TXNDC16: variants seen among roughly 807,000 people sequenced by gnomAD.
TXNDC16 encodes the protein thioredoxin domain-containing protein 16.
Under a neutral mutation model 85.6 loss-of-function variants are expected in TXNDC16, and 74 were observed. That is an observed-to-expected ratio of 0.86 (90% CI 0.72 to 1.05). The LOEUF (loss-of-function observed/expected upper bound fraction) is 1.05, where lower values mean the gene tolerates loss of function less well. Ranked by LOEUF, TXNDC16 falls within the 50% of genes least tolerant of loss-of-function variation. The pLI is 0.00. For synonymous variants in TXNDC16, 335 were observed against 326.5 expected (o/e 1.03, Z -0.28); for missense variants, 959 against 947.0 (o/e 1.01, Z -0.17).
At chr14:52,529,293 C>G (rs1205610294) in intron 6 of TXNDC16, among the ~76,000 whole-genome samples, 1 of 141,234 alleles carries the variant, frequency 7.1e-6, no homozygotes, top group East Asian at 2.0e-4. Flanking sequence ...CATATGGACA[C>G]AGGAAGGGGA....
At chr14:52,503,794 T>C (rs1173251540) in intron 9 of TXNDC16, among the ~76,000 whole-genome samples, 1 of 152,162 alleles carries the variant, frequency 6.6e-6, no homozygotes, top group Non-Finnish European at 1.5e-5. Context: ...AGAAGGAAGT[T>C]CGAAGCCATG....
At chr14:52,515,944 T>G (rs57787720) in intron 7 of TXNDC16, among the ~76,000 whole-genome samples, 14,639 of 152,102 alleles carry the variant, frequency 0.096, 807 homozygotes, top group East Asian at 0.17. Flanking sequence ...TTTCCCTTTT[T>G]GAGAAACTTC....
chr14:52,486,177 A>G (rs573970804), intron 12 of TXNDC16, among the ~76,000 whole-genome samples: 2 of 150,070 alleles, frequency 1.3e-5, no homozygotes, highest in African/African-American at 4.9e-5. Context: ...CTCTTTTCTT[A>G]TATTCTAAAT....
In TXNDC16 at chr14:52,511,986, A is replaced by C. The variant is rs115496073; in HGVS notation, c.606-596T>G. Among the ~76,000 whole-genome samples the C allele has an allele frequency of 1.8e-3, 271 of 152,276 alleles. 1 individual carries two copies. Among genetic ancestry groups the C allele is most frequent in the African/African-American group, 6.2e-3 (257 of 41,570 alleles). ...TCAAAGATAAACTTATAGTGGAGAT[A>C]AGGTTTGCCAAAATTAAAATAGCAT... On this transcript the variant is annotated intron_variant, in intron 8 of 20. Coordinates refer to ENST00000281741, the MANE Select transcript of TXNDC16 (RefSeq NM_020784.3).
chr14:52,467,636 T>C (rs1163149930), intron 16 of TXNDC16, among the ~76,000 whole-genome samples: 2 of 152,220 alleles, frequency 1.3e-5, no homozygotes, highest in Non-Finnish European at 2.9e-5. Context: ...GGAACCCCTG[T>C]ACACTGTTGG....
At chr14:52,434,602 A>T (rs556640012) in intron 20 of TXNDC16, among the ~76,000 whole-genome samples, 4 of 152,340 alleles carry the variant, frequency 2.6e-5, no homozygotes, top group African/African-American at 9.6e-5. Context: ...AGTTTCACAG[A>T]AATTAAGATA....
At chr14:52,489,796 T>A (rs529551089) in intron 11 of TXNDC16, among the ~76,000 whole-genome samples, 1 of 152,286 alleles carries the variant, frequency 6.6e-6, no homozygotes, top group South Asian at 2.1e-4. Context: ...AAGTAATCAC[T>A]ATTCTGTCTT....
chr14:52,496,472 C>A (rs2036536573), intron 9 of TXNDC16, among the ~76,000 whole-genome samples: 1 of 150,348 alleles, frequency 6.7e-6, no homozygotes, highest in African/African-American at 2.5e-5. Flanking sequence ...GATTTCTTAG[C>A]CTTTTCCTGC....
chr14:52,507,163 C>A (rs2036830262), intron 9 of TXNDC16, among the ~76,000 whole-genome samples: 1 of 152,014 alleles, frequency 6.6e-6, no homozygotes, highest in Admixed American at 6.6e-5. Flanking sequence ...ATCTAGAAAA[C>A]CCCATTGTCT....
chr14:52,431,221 C>T lies in TXNDC16; in HGVS notation c.*1083G>A, dbSNP rs574880730. The stretch of plus-strand genomic sequence containing the variant: ...GGCTCAGGGAGATCAACTGATTTGT[C>T]TGAAGCTTGCAAGGGTAGATTTCAG... On this transcript the variant is annotated 3_prime_UTR_variant, in exon 21 of 21. Transcript: ENST00000281741. 6.6e-6 allele frequency: 1 copy of T among 152,342 alleles called. No individual in the cohort carries two copies. The highest frequency in any genetic ancestry group is 1.9e-4 in the East Asian group (1 of 5,190). The allele number at this position is 152,342 out of a possible 1,614,324, so 9.4% of individuals were successfully genotyped here. A position where few individuals can be genotyped will look rare whatever the true frequency, so the allele number is the denominator to read the frequency against.
intron 20 of TXNDC16, among the ~76,000 whole-genome samples, chr14:52,436,512 T>A (rs2035031184): frequency 6.6e-6 from 1 of 152,162 alleles, no homozygotes; most frequent in Non-Finnish European, 1.5e-5. Flanking sequence ...AGTTGCATGA[T>A]CTTGAGAATG....
intron 9 of TXNDC16, among the ~76,000 whole-genome samples, chr14:52,505,653 G>A (rs2036779696): frequency 6.6e-6 from 1 of 152,144 alleles, no homozygotes; most frequent in African/African-American, 2.4e-5. Context: ...ACAATTAAAA[G>A]AACTACAGAA....
chr14:52,472,639 AT>A (rs1325433635), intron 14 of TXNDC16, among the ~76,000 whole-genome samples: 2 of 152,190 alleles, frequency 1.3e-5, no homozygotes, highest in Non-Finnish European at 2.9e-5. Flanking sequence ...TAATACTTGA[AT>A]TTTGTATGAG....
chr14:52,525,256 T>A (rs1279003011), intron 6 of TXNDC16, among the ~76,000 whole-genome samples: 1 of 152,036 alleles, frequency 6.6e-6, no homozygotes, highest in Non-Finnish European at 1.5e-5. Flanking sequence ...ATAAAATAAA[T>A]AACATTTTAG....
intron 7 of TXNDC16, among the ~76,000 whole-genome samples, chr14:52,516,771 A>G (rs547950925): frequency 1.3e-5 from 2 of 152,140 alleles, no homozygotes; most frequent in South Asian, 2.1e-4. Context: ...CTTGAACTGC[A>G]TATCATCAGA....
intron 16 of TXNDC16, among the ~76,000 whole-genome samples, chr14:52,460,449 A>G (rs1374986495): frequency 6.6e-6 from 1 of 152,224 alleles, no homozygotes; most frequent in East Asian, 1.9e-4. Context: ...ATGAAAGTCA[A>G]AGAAGGTTGA....
At chr14:52,443,953 A>G (rs1264164608) in intron 18 of TXNDC16, among the ~76,000 whole-genome samples, 1 of 152,168 alleles carries the variant, frequency 6.6e-6, no homozygotes, top group African/African-American at 2.4e-5. Flanking sequence ...AGTTATGGGT[A>G]TGGATAAAAT....
intron 1 of TXNDC16, among the ~76,000 whole-genome samples, chr14:52,549,169 G>A (rs755458945): frequency 1.3e-5 from 2 of 152,172 alleles, no homozygotes; most frequent in Non-Finnish European, 2.9e-5. Context: ...GGCTGCGAGA[G>A]GCCCTCAATT....
chr14:52,440,960 ATTAAT>A (rs2035150651), intron 18 of TXNDC16, among the ~76,000 whole-genome samples: 1 of 152,202 alleles, frequency 6.6e-6, no homozygotes, highest in Non-Finnish European at 1.5e-5. Context: ...TTGAGAATAA[ATTAAT>A]TTAAAGGAGT....
Sources: gnomAD v4.1 joint callset for allele counts (sites outside exome capture counted in the v4.1 genomes callset) on GRCh38, gnomAD v4.1.1 for gene constraint, MANE v1.5 for transcripts, NCBI Gene and HGNC (gene_info 2026-07-23, HGNC 2026-07-21) for gene names.